PRKN: variants seen among roughly 807,000 people sequenced by gnomAD.
PRKN encodes the protein E3 ubiquitin-protein ligase parkin.
Under a neutral mutation model 59.5 loss-of-function variants are expected in PRKN, and 56 were observed. That is an observed-to-expected ratio of 0.94 (90% CI 0.76 to 1.18). PRKN has a LOEUF of 1.18. Among genes scored for constraint, PRKN ranks in the 50% most tolerant of loss-of-function variants. The pLI, the probability that PRKN is intolerant of heterozygous loss-of-function variation, is 0.00. For missense variants in PRKN, 657 were observed against 596.4 expected (o/e 1.10, Z -1.06); for synonymous variants, 250 against 222.1 (o/e 1.13, Z -1.12).
intron 1 of PRKN, among the ~76,000 whole-genome samples, chr6:162,688,471 A>G (rs1477520878): frequency 1.3e-5 from 2 of 152,232 alleles, no homozygotes; most frequent in African/African-American, 2.4e-5. Context: ...AAATAGGTCA[A>G]TTGTATTAGA....
intron 2 of PRKN, among the ~76,000 whole-genome samples, chr6:162,279,024 G>A (rs1332823263): frequency 6.6e-6 from 1 of 152,118 alleles, no homozygotes; most frequent in South Asian, 2.1e-4. Flanking sequence ...TAAATGGAAA[G>A]TAACCACTGA....
At chr6:161,746,559 ATATATATATATT>A (rs1305549101) in intron 7 of PRKN, among the ~76,000 whole-genome samples, 1 of 145,044 alleles carries the variant, frequency 6.9e-6, no homozygotes. Context: ...CTATTTTTTT[ATATATATATATT>A]TATATATATA....
In PRKN at chr6:162,465,739, C is replaced by T. The variant is rs1290564571; in HGVS notation, c.8-22266G>A. The stretch of plus-strand genomic sequence containing the variant: ...TTTGATCTACACACAGTGACATGGA[C>T]ATTTAGAAAATATATTATATGATAA... On this transcript the variant is annotated intron_variant, in intron 1 of 11. Coordinates refer to ENST00000366898, the MANE Select transcript of PRKN (RefSeq NM_004562.3). Among the ~76,000 whole-genome samples the T allele has an allele frequency of 2.6e-5, 4 of 152,146 alleles. No individual in the cohort carries two copies. In the South Asian group the frequency reaches 6.2e-4, roughly 24 times the overall value.
Position 161,578,009 on chromosome 6 carries a change from A to G in PRKN, c.872-8593T>C, listed in dbSNP as rs1008175877. ...TACTATGCGTAACGCCAGGGGCCAT[A>G]GAGAAATCATAAATGAATCAGACAG... On this transcript the variant is annotated intron_variant, in intron 7 of 11. Transcript: ENST00000366898. This position sits in a 1 kb window ranked among gnomAD's most constrained non-coding sequence, Gnocchi z 4.2. Among the ~76,000 whole-genome samples the G allele has an allele frequency of 3.3e-5, 5 of 152,228 alleles. No homozygotes were observed. The highest frequency in any genetic ancestry group is 1.2e-4 in the African/African-American group (5 of 41,466).
At chr6:162,264,270 C>G (rs1780024886) in intron 2 of PRKN, among the ~76,000 whole-genome samples, 1 of 151,998 alleles carries the variant, frequency 6.6e-6, no homozygotes, top group South Asian at 2.1e-4. Flanking sequence ...GAGAGAGAGA[C>G]TCTGTCTCAA....
chr6:162,413,406 C>T (rs560425880), intron 2 of PRKN, among the ~76,000 whole-genome samples: 1 of 151,956 alleles, frequency 6.6e-6, no homozygotes, highest in African/African-American at 2.4e-5. Flanking sequence ...AAATGAGATT[C>T]TTGAAACATT....
chr6:161,505,371 TGTTTG>T (rs1467990976), intron 9 of PRKN, among the ~76,000 whole-genome samples: 1 of 6,994 alleles, frequency 1.4e-4, no homozygotes, highest in African/African-American at 8.2e-4. Context: ...TTGATGGGGT[TGTTTG>T]TTTTTTTCTT....
At chr6:161,739,231 G>C (rs950069522) in intron 7 of PRKN, among the ~76,000 whole-genome samples, 2 of 151,976 alleles carry the variant, frequency 1.3e-5, no homozygotes, top group African/African-American at 4.8e-5. Flanking sequence ...AACATGGCAA[G>C]ATCCCATCTC....
intron 2 of PRKN, among the ~76,000 whole-genome samples, chr6:162,328,561 A>G (rs1583387994): frequency 6.6e-6 from 1 of 152,284 alleles, no homozygotes; most frequent in African/African-American, 2.4e-5. Context: ...TCTACGGGAG[A>G]AAAGAGACCG....
intron 2 of PRKN, among the ~76,000 whole-genome samples, chr6:162,319,072 T>C (rs536097634): frequency 1.5e-4 from 23 of 152,134 alleles, no homozygotes; most frequent in African/African-American, 5.5e-4. Context: ...ACAGTCTTCA[T>C]CCTTGGCACT....
chr6:162,597,951 T>C (rs988469158), intron 1 of PRKN, among the ~76,000 whole-genome samples: 2 of 152,226 alleles, frequency 1.3e-5, no homozygotes, highest in African/African-American at 2.4e-5. Flanking sequence ...AATTATAATA[T>C]ATTGAGCATT....
chr6:162,460,025 G>T (rs1791078697), intron 1 of PRKN, among the ~76,000 whole-genome samples: 1 of 152,090 alleles, frequency 6.6e-6, no homozygotes, highest in Non-Finnish European at 1.5e-5. Context: ...CTATATACTT[G>T]ATAGAAATGA....
chr6:161,735,317 A>G (rs1222047163), intron 7 of PRKN, among the ~76,000 whole-genome samples: 3 of 152,280 alleles, frequency 2.0e-5, no homozygotes, highest in African/African-American at 4.8e-5. Context: ...CATAAAGACG[A>G]TAAGGATGAA....
intron 6 of PRKN, among the ~76,000 whole-genome samples, chr6:161,955,564 T>C (rs1298482839): frequency 4.6e-5 from 7 of 152,186 alleles, no homozygotes; most frequent in Non-Finnish European, 1.5e-5. Flanking sequence ...TAAAATTTCC[T>C]TGGAGGCCGG....
chr6:161,984,349 G>A (rs78872432), intron 5 of PRKN, among the ~76,000 whole-genome samples: 1 of 152,116 alleles, frequency 6.6e-6, no homozygotes, highest in East Asian at 1.9e-4. Context: ...CCTCCGTCCC[G>A]TGGGTTCAAG....
At chr6:162,280,543 C>A (rs1053664383) in intron 2 of PRKN, among the ~76,000 whole-genome samples, 2 of 152,086 alleles carry the variant, frequency 1.3e-5, no homozygotes, top group Non-Finnish European at 2.9e-5. Context: ...CTAATCCCAG[C>A]ACTTTGGAAG....
At chr6:162,269,399 C>G (rs1246411839) in intron 2 of PRKN, among the ~76,000 whole-genome samples, 2 of 152,080 alleles carry the variant, frequency 1.3e-5, no homozygotes, top group Non-Finnish European at 2.9e-5. Context: ...AGTAACTTAC[C>G]CAAGTCAAGT....
chr6:162,305,409 T>C (rs1215822569), intron 2 of PRKN, among the ~76,000 whole-genome samples: 2 of 105,744 alleles, frequency 1.9e-5, no homozygotes, highest in Non-Finnish European at 3.7e-5. Context: ...TTATCATTGC[T>C]TTTTTTTTAA....
At chr6:161,583,549 G>A (rs1781421160) in intron 7 of PRKN, among the ~76,000 whole-genome samples, 1 of 151,112 alleles carries the variant, frequency 6.6e-6, no homozygotes, top group Non-Finnish European at 1.5e-5. Flanking sequence ...AAATAGCTTT[G>A]TTTTCATTGC....
Sources: allele counts gnomAD v4.1 joint callset (sites outside exome capture counted in the v4.1 genomes callset), GRCh38; gene constraint gnomAD v4.1.1; non-coding constraint Gnocchi (gnomAD v3.1); transcripts MANE v1.5; gene names NCBI Gene and HGNC (gene_info 2026-07-23, HGNC 2026-07-21).